Variants in HINT3 observed in about 807,000 individuals in gnomAD.
HINT3 encodes the protein adenosine 5'-monophosphoramidase HINT3.
HINT3 carries 16 observed loss-of-function variants against 19.1 expected under a neutral mutation model. The observed-to-expected ratio is 0.84, with a 90% confidence interval of 0.57 to 1.27. The LOEUF (loss-of-function observed/expected upper bound fraction) is 1.27. Among genes scored for constraint, HINT3 ranks in the 50% most tolerant of loss-of-function variants. HINT3 has a pLI of 0.00. For missense variants in HINT3, 197 were observed against 225.8 expected (o/e 0.87, Z 0.82); for synonymous variants, 75 against 84.8 (o/e 0.88, Z 0.63).
In HINT3 at chr6:125,957,077, G is replaced by A; in HGVS notation, c.100G>A (p.Ala34Thr). 1.3e-6 allele frequency: 2 copies of A among 1,550,964 alleles called. No individual in the cohort carries two copies. The highest frequency in any genetic ancestry group is 1.7e-6 in the Non-Finnish European group (2 of 1,146,862). The change falls in exon 1 of 5, where the codon GCC becomes ACC. Residue 34 changes from alanine to threonine, a missense_variant. Transcript: ENST00000229633. ...GGTTTCCTCAGTGGGGACCTGTGAA[G>A]CCGCTGGCAAGTCACCAGAGCCCAA... is the stretch of plus-strand genomic sequence containing the variant. ...TTVSSVGTCE[A>T]AGKSPEPKDY...
At chr6:125,964,878 A>G (rs1269935527) in intron 1 of HINT3, among the ~76,000 whole-genome samples, 1 of 152,114 alleles carries the variant, frequency 6.6e-6, no homozygotes, top group Non-Finnish European at 1.5e-5. Context: ...GAATGGGACA[A>G]AGGGTGACAT....
intron 3 of HINT3, among the ~76,000 whole-genome samples, chr6:125,974,278 G>T (rs1450556215): frequency 6.6e-6 from 1 of 152,130 alleles, no homozygotes; most frequent in African/African-American, 2.4e-5. Context: ...CTTTTAGGAA[G>T]CACATAATTA....
chr6:125,957,581 A>G (rs1056909513), intron 1 of HINT3, among the ~76,000 whole-genome samples: 2 of 152,194 alleles, frequency 1.3e-5, no homozygotes, highest in Non-Finnish European at 2.9e-5. Context: ...CTGATTTTAA[A>G]TCCTGCACAC....
chr6:125,961,111 A>G (rs139881421), intron 1 of HINT3, among the ~76,000 whole-genome samples: 63 of 152,342 alleles, frequency 4.1e-4, no homozygotes, highest in African/African-American at 1.4e-3. Context: ...AGTAAACAAT[A>G]TGAAGAGACT....
intron 1 of HINT3, among the ~76,000 whole-genome samples, chr6:125,963,713 A>G (rs1436489592): frequency 6.6e-6 from 1 of 152,218 alleles, no homozygotes; most frequent in Non-Finnish European, 1.5e-5. Context: ...GAACATAAAC[A>G]TATATACATT....
intron 1 of HINT3, among the ~76,000 whole-genome samples, chr6:125,962,239 TATATATATATAC>T (rs1562212201): frequency 0.011 from 499 of 46,426 alleles, 28 homozygotes; most frequent in Non-Finnish European, 0.014. Flanking sequence ...TATATACACA[TATATATATATAC>T]ACACATATAT....
chr6:125,966,278 T>C (rs1461736883), intron 1 of HINT3, among the ~76,000 whole-genome samples: 2 of 152,192 alleles, frequency 1.3e-5, no homozygotes, highest in African/African-American at 4.8e-5. Flanking sequence ...AGAAAACTGA[T>C]GCCATACATG....
intron 1 of HINT3, among the ~76,000 whole-genome samples, chr6:125,959,064 C>T (rs1325748432): frequency 2.6e-5 from 4 of 152,066 alleles, no homozygotes; most frequent in Non-Finnish European, 4.4e-5. Context: ...GGTAGCAAAG[C>T]GATGAGTTGA....
Position 125,980,158 on chromosome 6 carries a change from T to A in HINT3, c.*2482T>A, listed in dbSNP as rs533363379. 1 of 152,350 alleles carries A rather than the reference T, an allele frequency of 6.6e-6. No homozygotes were observed. The highest frequency in any genetic ancestry group is 2.1e-4 in the South Asian group (1 of 4,830). 9.4% of individuals were successfully genotyped at this position (152,350 alleles called of 1,614,324 possible). ...TGGTATCAAGAGCATTGTTTATGCATGTTGTGATACTATTTGTGGAACTGT... is the reference window on the plus strand; with the variant it reads ...TGGTATCAAGAGCATTGTTTATGCAAGTTGTGATACTATTTGTGGAACTGT... On this transcript the variant is annotated 3_prime_UTR_variant, in exon 5 of 5. Transcript: ENST00000229633.
rs905275353 is a variant in HINT3, at chr6:125,972,294, G to C, written c.355G>C (p.Glu119Gln). Residue 119 changes from glutamate to glutamine, a missense_variant, in exon 3 of 5, where the codon GAA becomes CAA. Physicochemically the swap from Glu to Gln is conservative, Grantham distance 29 (BLOSUM62 2). Coordinates refer to ENST00000229633, the MANE Select transcript of HINT3 (RefSeq NM_138571.5). ...NMVTVGKTIL[E>Q]RNNFTDFTNV... ...GGTAACTGTTGGAAAAACCATTCTT[G>C]AAAGAAATAATTTCACTGACTTCAC... The C allele has an allele frequency of 3.2e-6, 5 of 1,578,268 alleles. No homozygotes were observed. Among genetic ancestry groups the C allele is most frequent in the Non-Finnish European group, 3.4e-6 (4 of 1,166,038 alleles).
intron 4 of HINT3, among the ~76,000 whole-genome samples, chr6:125,977,226 C>T (rs1486533139): frequency 6.6e-6 from 1 of 152,154 alleles, no homozygotes. Flanking sequence ...ATCCCTCTTT[C>T]CCCTCTAACT....
chr6:125,976,084 G>C (rs1789175074), intron 4 of HINT3, among the ~76,000 whole-genome samples: 1 of 152,116 alleles, frequency 6.6e-6, no homozygotes. Flanking sequence ...TGCCATATCT[G>C]AATAATCATC....
In HINT3 at chr6:125,974,978, G is replaced by T; in HGVS notation, c.516+5G>T. ...AATTCCTATTGGTTTATCACAGTGA[G>T]TATTCTTGTTATGTCAGCAGCATAC... On this transcript the variant is annotated splice_donor_5th_base_variant and intron_variant, in intron 4 of 4. Coordinates refer to ENST00000229633, the MANE Select transcript of HINT3 (RefSeq NM_138571.5). The T allele has an allele frequency of 6.2e-7, 1 of 1,612,626 alleles. No homozygotes were observed. The highest frequency in any genetic ancestry group is 1.1e-5 in the South Asian group (1 of 90,780).
In HINT3 at chr6:125,957,100, C is replaced by G. The variant is rs201605457; in HGVS notation, c.123C>G (p.Pro41=). ...TCEAAGKSPE[P]KDYDSTCVFC... ...AAGCCGCTGGCAAGTCACCAGAGCC[C>G]AAGGACTACGACAGCACCTGCGTGT... Residue 41 remains proline, a synonymous_variant, in exon 1 of 5, where the codon CCC becomes CCG. Transcript: ENST00000229633. 1.5e-5 allele frequency: 23 copies of G among 1,550,916 alleles called. No homozygotes were observed. In the East Asian group the frequency reaches 2.4e-4, roughly 16 times the overall value.
rs777764486 is a variant in HINT3, at chr6:125,974,887, T to G, written c.430T>G (p.Leu144Val). ...GCCACCATTCTGTTCCATTTCCCAC[T>G]TGCACCTTCATGTTCTGGCACCAGT... ...HMPPFCSISHLHLHVLAPVDQ... is the reference protein window; with the variant it reads ...HMPPFCSISHVHLHVLAPVDQ... Residue 144 changes from leucine to valine, a missense_variant, in exon 4 of 5, where the codon TTG (leucine) becomes GTG (valine). Coordinates refer to ENST00000229633, the MANE Select transcript of HINT3 (RefSeq NM_138571.5). 5.4e-5 allele frequency: 87 copies of G among 1,613,902 alleles called. No homozygotes were observed. The highest frequency in any genetic ancestry group is 6.4e-5 in the Non-Finnish European group (75 of 1,179,914).
intron 3 of HINT3, among the ~76,000 whole-genome samples, chr6:125,972,602 A>T (rs541441927): frequency 1.2e-4 from 18 of 152,224 alleles, no homozygotes; most frequent in South Asian, 4.1e-4. Context: ...TTAAAAAAAA[A>T]TTTTTGAGAT....
chr6:125,974,714 T>A, intron 3 of HINT3, 133 bp from the exon 4 acceptor site: 2 of 815,862 alleles, frequency 2.5e-6, no homozygotes, highest in South Asian at 1.8e-5. Flanking sequence ...AAGAGAAACA[T>A]TAATGAGATT....
chr6:125,970,859 C>T (rs1180383629), intron 2 of HINT3, among the ~76,000 whole-genome samples: 2 of 151,670 alleles, frequency 1.3e-5, no homozygotes, highest in Non-Finnish European at 2.9e-5. Flanking sequence ...GAAAAAATTC[C>T]AAAAAAAGAT....
chr6:125,979,149 G>A lies in HINT3; in HGVS notation c.*1473G>A, dbSNP rs542070923. ...GGCTGAGAAACTTACAAGTATTTTC[G>A]TTGAGTTCTGCTTCCACTATTATTT... On this transcript the variant is annotated 3_prime_UTR_variant, in exon 5 of 5. Coordinates refer to ENST00000229633, the MANE Select transcript of HINT3 (RefSeq NM_138571.5). 7.2e-5 allele frequency: 11 copies of A among 152,252 alleles called. No individual in the cohort carries two copies. The highest frequency in any genetic ancestry group is 6.5e-5 in the Admixed American group (1 of 15,282). 9.4% of individuals were successfully genotyped at this position (152,252 alleles called of 1,614,324 possible).
Sources: allele counts gnomAD v4.1 joint callset (sites outside exome capture counted in the v4.1 genomes callset), GRCh38; gene constraint gnomAD v4.1.1; transcripts MANE v1.5; gene names NCBI Gene and HGNC (gene_info 2026-07-23, HGNC 2026-07-21).